The following LRBA variants were observed in gnomAD, a reference collection of about 807,000 sequenced individuals.
The protein encoded by LRBA is LPS responsive beige-like anchor protein.
A neutral mutation model predicts 330.0 loss-of-function variants in LRBA; 176 were observed. That is an observed-to-expected ratio of 0.53 (90% CI 0.47 to 0.60). The LOEUF (loss-of-function observed/expected upper bound fraction) is 0.60. Among genes scored for constraint, LRBA ranks in the 20% least tolerant of loss-of-function variants. The pLI, the probability that LRBA is intolerant of heterozygous loss-of-function variation, is 0.00. For missense variants in LRBA, 3,259 were observed against 3,444.8 expected (o/e 0.95, Z 1.35); for synonymous variants, 1,230 against 1,193.0 (o/e 1.03, Z -0.64).
chr4:150,739,352 AT>A (rs59417032), intron 35 of LRBA, among the ~76,000 whole-genome samples: 132,812 of 152,056 alleles, frequency 0.87, 58,563 homozygotes, highest in Non-Finnish European at 0.95. Flanking sequence ...CATGGAACAT[AT>A]TAAAAAAAAC....
intron 41 of LRBA, among the ~76,000 whole-genome samples, chr4:150,488,261 T>C (rs557880090): frequency 1.2e-3 from 183 of 151,828 alleles, no homozygotes; most frequent in Admixed American, 2.2e-3. Flanking sequence ...GTTTATGTAG[T>C]TAAACAACTA....
At chr4:150,279,074 T>G (rs1303737511) in intron 55 of LRBA, among the ~76,000 whole-genome samples, 2 of 152,186 alleles carry the variant, frequency 1.3e-5, no homozygotes, top group African/African-American at 2.4e-5. Context: ...ATCCACCCGC[T>G]CGGACTCCCA....
chr4:150,488,458 A>T (rs2152094548), intron 41 of LRBA, among the ~76,000 whole-genome samples: 1 of 151,770 alleles, frequency 6.6e-6, no homozygotes, highest in East Asian at 1.9e-4. Flanking sequence ...GTTAAAAATC[A>T]AATTTAAATG....
At chr4:150,606,952 C>T (rs7655913) in intron 37 of LRBA, among the ~76,000 whole-genome samples, 1 of 151,992 alleles carries the variant, frequency 6.6e-6, no homozygotes, top group Non-Finnish European at 1.5e-5. Context: ...AAGAGTAAAC[C>T]GATGACTTTT....
chr4:150,411,490 C>T (rs151304807), intron 47 of LRBA, among the ~76,000 whole-genome samples: 4 of 152,132 alleles, frequency 2.6e-5, no homozygotes, highest in Non-Finnish European at 5.9e-5. Flanking sequence ...TGCTACCAAC[C>T]GAGTATTGTA....
At position 150,477,677 on chromosome 4, in the gene LRBA, A is replaced by T. The variant is rs371575945; in HGVS notation, c.6552-5938T>A. On this transcript the variant is annotated intron_variant, in intron 42 of 56. Transcript: ENST00000651943. ...GGGCCTGGTGGGAGGTGATTATATC[A>T]TGGGGTAAATTTCCCCCTTGCTGTT... 4.6e-5 allele frequency among the ~76,000 whole-genome samples: 7 copies of T among 152,178 alleles called. No homozygotes were observed. The South Asian group carries it at 1.5e-3, about 32-fold the overall frequency.
chr4:150,588,087 C>T lies in LRBA; in HGVS notation c.6291G>A (p.Val2097=), dbSNP rs759912702. The change falls in exon 40 of 57, where the codon GTG becomes GTA. Residue 2097 remains valine, a synonymous_variant. Coordinates refer to ENST00000651943, the MANE Select transcript of LRBA (RefSeq NM_001364905.1). ...TTTTGAAGTTAGGATCCTCTTCATC[C>T]ACCTCAAAATAGAGTTCGGAGGAGG... is the stretch of plus-strand genomic sequence containing the variant. The part of the protein sequence containing the change: ...SVTSSELYFE[V]DEEDPNFKKI... The T allele has an allele frequency of 1.7e-5, 27 of 1,612,292 alleles. No individual in the cohort carries two copies. Among genetic ancestry groups the T allele is most frequent in the Non-Finnish European group, 2.2e-5 (26 of 1,179,226 alleles).
chr4:150,463,990 GAA>G, intron 44 of LRBA, among the ~76,000 whole-genome samples: 1 of 129,344 alleles, frequency 7.7e-6, no homozygotes, highest in African/African-American at 2.7e-5. Context: ...AAAGATGGAG[GAA>G]GAGAAAAACA....
intron 49 of LRBA, among the ~76,000 whole-genome samples, chr4:150,325,041 A>G (rs947255873): frequency 6.6e-6 from 1 of 152,078 alleles, no homozygotes; most frequent in Non-Finnish European, 1.5e-5. Flanking sequence ...TGCTTTGACC[A>G]ATGAAATGTG....
intron 35 of LRBA, among the ~76,000 whole-genome samples, chr4:150,740,140 C>T (rs991664077): frequency 2.0e-5 from 3 of 151,916 alleles, no homozygotes; most frequent in South Asian, 2.1e-4. Flanking sequence ...AATTAGGAAA[C>T]GTTTGCAGTA....
intron 48 of LRBA, among the ~76,000 whole-genome samples, chr4:150,343,838 G>A (rs964395808): frequency 6.6e-6 from 1 of 152,144 alleles, no homozygotes; most frequent in Non-Finnish European, 1.5e-5. Flanking sequence ...TTATTGAGCA[G>A]CACCCATTAA....
At chr4:150,443,837 A>G (rs1752173524) in intron 44 of LRBA, among the ~76,000 whole-genome samples, 1 of 105,734 alleles carries the variant, frequency 9.5e-6, no homozygotes, top group Non-Finnish European at 2.1e-5. Flanking sequence ...CCTAGAACTT[A>G]AAGTATAATT....
chr4:150,429,935 TA>T (rs1454266711), intron 46 of LRBA, among the ~76,000 whole-genome samples: 12 of 152,140 alleles, frequency 7.9e-5, no homozygotes, highest in Admixed American at 7.9e-4. Flanking sequence ...ATATAGCAAA[TA>T]ACCAATAAAT....
At chr4:150,714,919 T>G (rs1370510723) in intron 36 of LRBA, among the ~76,000 whole-genome samples, 1 of 152,106 alleles carries the variant, frequency 6.6e-6, no homozygotes, top group Non-Finnish European at 1.5e-5. Flanking sequence ...CACCATTTGT[T>G]TCAGGAAATC....
chr4:150,675,939 G>A (rs1015615678), intron 37 of LRBA, among the ~76,000 whole-genome samples: 3 of 152,090 alleles, frequency 2.0e-5, no homozygotes, highest in Non-Finnish European at 4.4e-5. Context: ...TCTTAGAGGT[G>A]AAGAGGACCT....
intron 36 of LRBA, among the ~76,000 whole-genome samples, chr4:150,714,553 G>A (rs1786553269): frequency 2.0e-5 from 3 of 151,956 alleles, no homozygotes; most frequent in Admixed American, 2.0e-4. Context: ...ACTAATAGGA[G>A]GAATGAGTTC....
intron 2 of LRBA, among the ~76,000 whole-genome samples, chr4:151,010,842 C>T (rs1196862765): frequency 1.3e-5 from 2 of 149,900 alleles, no homozygotes; most frequent in African/African-American, 4.9e-5. Context: ...TGAGATCGCA[C>T]CACTGCACTC....
rs916047342 is a variant in LRBA, at chr4:150,399,062, C to A, written c.7194+16376G>T. 1.7e-4 allele frequency among the ~76,000 whole-genome samples: 26 copies of A among 152,014 alleles called. 1 individual carries two copies. The highest frequency in any genetic ancestry group is 1.2e-3 in the Admixed American group (18 of 15,260). Reference sequence around the variant, plus strand: ...TCTTGCAATTTAATTTTAGTAAATTCTTTATCTTTTTTATTAACATACCTT... The same window carrying A: ...TCTTGCAATTTAATTTTAGTAAATTATTTATCTTTTTTATTAACATACCTT... On this transcript the variant is annotated intron_variant, in intron 47 of 56. Transcript: ENST00000651943.
intron 37 of LRBA, among the ~76,000 whole-genome samples, chr4:150,631,857 TC>T (rs1201594415): frequency 6.6e-6 from 1 of 151,896 alleles, no homozygotes; most frequent in Non-Finnish European, 1.5e-5. Context: ...CATGGAAAAA[TC>T]AAAAAGGTTC....
Sources: gnomAD v4.1 joint callset for allele counts (sites outside exome capture counted in the v4.1 genomes callset) on GRCh38, gnomAD v4.1.1 for gene constraint, MANE v1.5 for transcripts, NCBI Gene and HGNC (gene_info 2026-07-23, HGNC 2026-07-21) for gene names.